Variants in MOB4 observed in about 807,000 individuals in gnomAD.
The protein encoded by MOB4 is MOB-like protein phocein.
Under a neutral mutation model 32.2 loss-of-function variants are expected in MOB4, and 4 were observed. That is an observed-to-expected ratio of 0.12 (90% CI 0.06 to 0.28). The LOEUF (loss-of-function observed/expected upper bound fraction) is 0.28. Ranked by LOEUF, MOB4 falls within the 10% of genes least tolerant of loss-of-function variation. The pLI, the probability that MOB4 is intolerant of heterozygous loss-of-function variation, is 1.00. For missense variants in MOB4, 158 were observed against 271.2 expected (o/e 0.58, Z 2.93); for synonymous variants, 88 against 88.1 (o/e 1.00, Z 0.01).
intron 2 of MOB4, among the ~76,000 whole-genome samples, chr2:197,527,900 C>T (rs73050893): frequency 0.013 from 1,903 of 151,848 alleles, 40 homozygotes; most frequent in African/African-American, 0.044. Context: ...TGCTTTTTTC[C>T]GTTTGTATAT....
At chr2:197,519,680 C>G (rs1043373244) in intron 1 of MOB4, among the ~76,000 whole-genome samples, 2 of 152,092 alleles carry the variant, frequency 1.3e-5, no homozygotes, top group African/African-American at 4.8e-5. Context: ...TTTTTCTCCC[C>G]TGAAATGAAT....
intron 2 of MOB4, among the ~76,000 whole-genome samples, chr2:197,524,571 T>TTTCA (rs2086576917): frequency 1.3e-5 from 2 of 151,186 alleles, no homozygotes; most frequent in Non-Finnish European, 2.9e-5. Context: ...AAAAATACAA[T>TTTCA]TTCATTAAGG....
chr2:197,548,880 A>G (rs1376229363), intron 6 of MOB4, among the ~76,000 whole-genome samples: 3 of 152,114 alleles, frequency 2.0e-5, no homozygotes, highest in Non-Finnish European at 2.9e-5. Context: ...ATACTTGCTC[A>G]CTTGAATCTC....
chr2:197,532,660 T>C (rs932036069), intron 2 of MOB4, among the ~76,000 whole-genome samples: 1 of 151,974 alleles, frequency 6.6e-6, no homozygotes, highest in Non-Finnish European at 1.5e-5. Context: ...CACTCTAGCC[T>C]GGGCGACAGA....
At chr2:197,544,796 T>C (rs777966333) in intron 5 of MOB4, among the ~76,000 whole-genome samples, 4 of 151,146 alleles carry the variant, frequency 2.6e-5, no homozygotes, top group Non-Finnish European at 5.9e-5. Flanking sequence ...GTGGTGTATA[T>C]ATTTTACTAC....
chr2:197,547,995 A>C (rs574040264), intron 5 of MOB4, among the ~76,000 whole-genome samples: 2 of 152,294 alleles, frequency 1.3e-5, no homozygotes, highest in South Asian at 4.1e-4. Context: ...CTAGGGACAT[A>C]ATAAGGAATA....
At chr2:197,521,958 G>A (rs561404567) in intron 1 of MOB4, among the ~76,000 whole-genome samples, 7 of 152,184 alleles carry the variant, frequency 4.6e-5, no homozygotes, top group African/African-American at 1.7e-4. Flanking sequence ...TTAAAGACAG[G>A]CCTAGGAAAT....
chr2:197,542,666 G>A (rs747219729), intron 5 of MOB4, among the ~76,000 whole-genome samples: 1 of 152,190 alleles, frequency 6.6e-6, no homozygotes, highest in African/African-American at 2.4e-5. Flanking sequence ...GTCACATGCT[G>A]ATTGTGATCA....
chr2:197,533,976 A>T, intron 2 of MOB4: 1 of 546,422 alleles, frequency 1.8e-6, no homozygotes, highest in Non-Finnish European at 3.6e-6. Flanking sequence ...AAGGAATTTT[A>T]CATGAGATGG....
chr2:197,546,305 C>G (rs2086992046), intron 5 of MOB4, among the ~76,000 whole-genome samples: 1 of 152,182 alleles, frequency 6.6e-6, no homozygotes, highest in Non-Finnish European at 1.5e-5. Context: ...TTGTGATCCA[C>G]CTGCCTCGGC....
At chr2:197,546,675 C>T (rs569114872) in intron 5 of MOB4, among the ~76,000 whole-genome samples, 3 of 151,828 alleles carry the variant, frequency 2.0e-5, no homozygotes, top group East Asian at 3.9e-4. Context: ...GCTGGAATTA[C>T]AGGCGTGAGC....
At chr2:197,517,579 ATATT>A (rs1420698486) in intron 1 of MOB4, among the ~76,000 whole-genome samples, 4 of 152,222 alleles carry the variant, frequency 2.6e-5, no homozygotes, top group Non-Finnish European at 5.9e-5. Flanking sequence ...AGAAAATAAA[ATATT>A]TAATATCGTA....
chr2:197,523,060 C>T (rs1574626720), intron 1 of MOB4, among the ~76,000 whole-genome samples: 1 of 151,698 alleles, frequency 6.6e-6, no homozygotes, highest in Non-Finnish European at 1.5e-5. Context: ...AAATTAGCTA[C>T]TAATGCTAGA....
chr2:197,550,425 C>T (rs761844367), intron 7 of MOB4, 39 bp downstream of exon 7: 5 of 1,600,412 alleles, frequency 3.1e-6, no homozygotes, highest in Non-Finnish European at 3.4e-6. Context: ...GCATTCTTAT[C>T]AGTGTAACAG....
At chr2:197,545,586 T>C (rs2106135893) in intron 5 of MOB4, among the ~76,000 whole-genome samples, 1 of 152,300 alleles carries the variant, frequency 6.6e-6, no homozygotes, top group Admixed American at 6.5e-5. Context: ...CATTAAAGGC[T>C]AAAAAGTTTT....
chr2:197,543,093 A>T (rs1004833223), intron 5 of MOB4, among the ~76,000 whole-genome samples: 1 of 152,164 alleles, frequency 6.6e-6, no homozygotes, highest in East Asian at 1.9e-4. Context: ...GGAGTTCGAG[A>T]CCAGCCTAGC....
In MOB4 at chr2:197,524,465, G is replaced by A. The variant is rs1364261019; in HGVS notation, c.123+779G>A. On this transcript the variant is annotated intron_variant, in intron 2 of 7. Coordinates refer to ENST00000323303, the MANE Select transcript of MOB4 (RefSeq NM_015387.5). ...GGAGAATCGTTTAAACCCAAGAGGC[G>A]GAGGTTGCAGTGAGCCAAGATCATG... is the stretch of plus-strand genomic sequence containing the variant. Among the ~76,000 whole-genome samples, 11 of 150,872 alleles carry A rather than the reference G, an allele frequency of 7.3e-5. No individual in the cohort carries two copies. In the East Asian group the frequency reaches 1.6e-3, roughly 21 times the overall value.
At chr2:197,533,175 A>G (rs1213547884) in intron 2 of MOB4, among the ~76,000 whole-genome samples, 1 of 152,218 alleles carries the variant, frequency 6.6e-6, no homozygotes, top group African/African-American at 2.4e-5. Context: ...CAGATTGCTA[A>G]TATATACAAA....
chr2:197,536,519 T>C (rs753716827), intron 3 of MOB4, among the ~76,000 whole-genome samples: 4 of 152,126 alleles, frequency 2.6e-5, no homozygotes, highest in Non-Finnish European at 5.9e-5. Flanking sequence ...TTTCATGATT[T>C]TCCTTAATTG....
Sources: allele counts gnomAD v4.1 joint callset (sites outside exome capture counted in the v4.1 genomes callset), GRCh38; gene constraint gnomAD v4.1.1; transcripts MANE v1.5; gene names NCBI Gene and HGNC (gene_info 2026-07-23, HGNC 2026-07-21).